Variants in GRK5 observed in about 807,000 individuals in gnomAD.
GRK5 encodes the protein g protein-coupled receptor kinase GRK5.
GRK5 carries 40 observed loss-of-function variants against 78.4 expected under a neutral mutation model. The ratio of observed to expected loss-of-function variants is 0.51; its 90% CI spans 0.40 to 0.66. The LOEUF (loss-of-function observed/expected upper bound fraction) is 0.66. GRK5 is among the 30% of genes least tolerant of loss of function. The pLI, the probability that GRK5 is intolerant of heterozygous loss-of-function variation, is 0.00. For missense variants in GRK5, 598 were observed against 759.9 expected (o/e 0.79, Z 2.50); for synonymous variants, 289 against 296.8 (o/e 0.97, Z 0.27).
rs567829444 is a variant in GRK5 at position 119,208,422 on chromosome 10, T to C, written c.52+453T>C. 6.4e-5 allele frequency: 11 copies of C among 172,492 alleles called. No individual in the cohort carries two copies. In the South Asian group the frequency reaches 8.2e-4, roughly 13 times the overall value. 10.7% of individuals were successfully genotyped at this position (172,492 alleles called of 1,614,324 possible). Reference sequence around the variant, plus strand: ...TTTGCCTGCGCAGGCTGAGTTGATATAGACTATTGCTGGAAACCATCCGCT... The same window carrying C: ...TTTGCCTGCGCAGGCTGAGTTGATACAGACTATTGCTGGAAACCATCCGCT... On this transcript the variant is annotated intron_variant, in intron 1 of 15. Coordinates refer to ENST00000392870, the MANE Select transcript of GRK5 (RefSeq NM_005308.3).
chr10:119,327,884 C>T (rs1850706344), intron 2 of GRK5, among the ~76,000 whole-genome samples: 1 of 152,188 alleles, frequency 6.6e-6, no homozygotes, highest in Non-Finnish European at 1.5e-5. Flanking sequence ...CATCAGAATC[C>T]CCATGGTGTT....
intron 1 of GRK5, among the ~76,000 whole-genome samples, chr10:119,257,257 G>A (rs781726965): frequency 6.6e-6 from 1 of 152,138 alleles, no homozygotes; most frequent in Non-Finnish European, 1.5e-5. Context: ...CCTGTAGGCT[G>A]GGTATTTTGA....
At chr10:119,446,290 C>T (rs78037201) in intron 12 of GRK5, among the ~76,000 whole-genome samples, 12,451 of 152,280 alleles carry the variant, frequency 0.082, 763 homozygotes, top group East Asian at 0.27. Flanking sequence ...GGGTGTTCAA[C>T]CTGCACACGG....
At chr10:119,427,738 A>G (rs1030811044) in intron 6 of GRK5, among the ~76,000 whole-genome samples, 2 of 135,096 alleles carry the variant, frequency 1.5e-5, no homozygotes, top group Non-Finnish European at 3.0e-5. Flanking sequence ...CATCGTCAAC[A>G]TCACTGCCAT....
At chr10:119,341,784 A>G (rs1311000258) in intron 2 of GRK5, among the ~76,000 whole-genome samples, 7 of 152,118 alleles carry the variant, frequency 4.6e-5, no homozygotes, top group Non-Finnish European at 7.3e-5. Flanking sequence ...AAAACACTCA[A>G]TCTTCCCAAG....
At chr10:119,344,372 T>C (rs936007864) in intron 2 of GRK5, among the ~76,000 whole-genome samples, 10 of 152,262 alleles carry the variant, frequency 6.6e-5, no homozygotes, top group African/African-American at 2.2e-4. Flanking sequence ...ATGTTCCCCA[T>C]CCTGTGTCCA....
At position 119,329,006 on chromosome 10, in the gene GRK5, C is replaced by T. The variant is rs555678888; in HGVS notation, c.148+2395C>T. On this transcript the variant is annotated intron_variant, in intron 2 of 15. Transcript: ENST00000392870. ...GAGGAACTGGATTGTTAAAATTCAC[C>T]ACTGCGTAGTTGGTGCCTGCCTCAC... 2.6e-5 allele frequency among the ~76,000 whole-genome samples: 4 copies of T among 152,302 alleles called. No homozygotes were observed. In the South Asian group the frequency reaches 8.3e-4, roughly 32 times the overall value.
chr10:119,413,596 A>G (rs951248300), intron 4 of GRK5, among the ~76,000 whole-genome samples: 7 of 151,870 alleles, frequency 4.6e-5, no homozygotes, highest in Non-Finnish European at 1.0e-4. Context: ...CGGAACCCTC[A>G]CAGCACACCT....
intron 1 of GRK5, among the ~76,000 whole-genome samples, chr10:119,261,084 G>C (rs1311719858): frequency 1.9e-4 from 11 of 59,456 alleles, no homozygotes; most frequent in Admixed American, 5.6e-4. Flanking sequence ...GGGCGGAGAC[G>C]CTCCTCACTT....
At chr10:119,255,610 G>C (rs117173255) in intron 1 of GRK5, among the ~76,000 whole-genome samples, 3,216 of 152,280 alleles carry the variant, frequency 0.021, 58 homozygotes, top group Admixed American at 0.054. Flanking sequence ...CTGTGGCTGC[G>C]CAAGGTCAGG....
At chr10:119,394,261 T>TGC (rs1851962033) in intron 3 of GRK5, among the ~76,000 whole-genome samples, 1 of 8,074 alleles carries the variant, frequency 1.2e-4, no homozygotes, top group African/African-American at 4.3e-4. Flanking sequence ...TGGATGTATC[T>TGC]GTGTGTGTGT....
At position 119,379,071 on chromosome 10, in the gene GRK5, C is replaced by T. The variant is rs1851671961; in HGVS notation, c.149-1744C>T. On this transcript the variant is annotated intron_variant, in intron 2 of 15. Transcript: ENST00000392870. This position sits in a 1 kb window ranked among gnomAD's most constrained non-coding sequence, Gnocchi z 4.1. ...TTCAGAGGCTTGGGTTGAATTGGTG[C>T]AGACTGGGAGAAAGGAGGTTCCCTA... Among the ~76,000 whole-genome samples, 1 of 152,146 alleles carries T rather than the reference C, an allele frequency of 6.6e-6. No individual in the cohort carries two copies. The highest frequency in any genetic ancestry group is 6.5e-5 in the Admixed American group (1 of 15,278).
rs368576428 is a variant in GRK5, at chr10:119,256,237, C to G, written c.52+48268C>G. ...TCAGTGGCCTCGACTCCTGTGGAGA[C>G]TCTGCATTCCCGGCCAGATTTGCCT... is the stretch of plus-strand genomic sequence containing the variant. On this transcript the variant is annotated intron_variant, in intron 1 of 15. Coordinates refer to ENST00000392870, the MANE Select transcript of GRK5 (RefSeq NM_005308.3). Among the ~76,000 whole-genome samples, 347 of 152,250 alleles carry G rather than the reference C, an allele frequency of 2.3e-3. 3 individuals carry two copies. The highest frequency in any genetic ancestry group is 8.1e-3 in the African/African-American group (338 of 41,548).
chr10:119,322,553 C>T (rs914397257), intron 1 of GRK5, among the ~76,000 whole-genome samples: 7 of 152,188 alleles, frequency 4.6e-5, no homozygotes, highest in African/African-American at 9.7e-5. Flanking sequence ...ATTGGTTGAA[C>T]GAATCAGTGA....
intron 1 of GRK5, among the ~76,000 whole-genome samples, chr10:119,216,281 G>A (rs1262914141): frequency 6.6e-6 from 1 of 152,212 alleles, no homozygotes; most frequent in Non-Finnish European, 1.5e-5. Context: ...TTTTAAAAAG[G>A]TAATGATGAA....
rs536688141 is a variant in GRK5, at chr10:119,458,732, C to G, written c.*3665C>G. ...GGCCCGCAAGTCTCCATGCGTCTCC[C>G]GGGAGCCTGGCCCCGCTGCAGAAAT... On this transcript the variant is annotated 3_prime_UTR_variant, in exon 16 of 16. Coordinates refer to ENST00000392870, the MANE Select transcript of GRK5 (RefSeq NM_005308.3). The G allele has an allele frequency of 6.6e-6, 1 of 152,342 alleles. No individual in the cohort carries two copies. The highest frequency in any genetic ancestry group is 1.5e-5 in the Non-Finnish European group (1 of 68,156). The allele number at this position is 152,342 out of a possible 1,614,324, so 9.4% of individuals were successfully genotyped here. A position where few individuals can be genotyped will look rare whatever the true frequency, so the allele number is the denominator to read the frequency against.
In GRK5 at chr10:119,425,057, C is replaced by T. The variant is rs774485072; in HGVS notation, c.505C>T (p.Arg169Cys). Residue 169 changes from arginine to cysteine, a missense_variant, in exon 6 of 16, where the codon CGC becomes TGC. Transcript: ENST00000392870. Reference protein sequence around the residue: ...HEYLDSMFFDRFLQWKWLERQ... With the variant: ...HEYLDSMFFDCFLQWKWLERQ... ...ATATCTGGACAGCATGTTTTTTGAC[C>T]GCTTTCTCCAGTGGAAGTGGTTGGA... The T allele has an allele frequency of 9.9e-6, 16 of 1,613,638 alleles. No homozygotes were observed. Among genetic ancestry groups the T allele is most frequent in the Middle Eastern group, 1.6e-4 (1 of 6,084 alleles).
rs1849227721 is a variant in GRK5 at position 119,253,042 on chromosome 10, G to A, written c.52+45073G>A. On this transcript the variant is annotated intron_variant, in intron 1 of 15. Coordinates refer to ENST00000392870, the MANE Select transcript of GRK5 (RefSeq NM_005308.3). The surrounding 1 kb of genome is among the most constrained non-coding windows in gnomAD (Gnocchi z 5.7). ...GAGGATCCCCTAGCCACACTGGAGA[G>A]GGGACAGTGCCCTGGTTTTCCTGAT... Among the ~76,000 whole-genome samples the A allele has an allele frequency of 1.3e-5, 2 of 152,268 alleles. No homozygotes were observed. The highest frequency in any genetic ancestry group is 4.8e-5 in the African/African-American group (2 of 41,536).
chr10:119,325,772 G>A (rs547433378), intron 1 of GRK5, among the ~76,000 whole-genome samples: 1 of 152,356 alleles, frequency 6.6e-6, no homozygotes, highest in South Asian at 2.1e-4. Context: ...GACCAGGAGT[G>A]CAAGGATGAC....
Sources: gnomAD v4.1 joint callset for allele counts (sites outside exome capture counted in the v4.1 genomes callset) on GRCh38, gnomAD v4.1.1 for gene constraint, Gnocchi (gnomAD v3.1) non-coding constraint, MANE v1.5 for transcripts, NCBI Gene and HGNC (gene_info 2026-07-23, HGNC 2026-07-21) for gene names.